Variants in RSRC1 observed in about 807,000 individuals in gnomAD.
The protein encoded by RSRC1 is serine/Arginine-related protein 53.
A neutral mutation model predicts 49.1 loss-of-function variants in RSRC1; 39 were observed. The observed-to-expected ratio is 0.79, with a 90% CI of 0.61 to 1.04. The LOEUF is 1.04. Ranked by LOEUF, RSRC1 falls within the 50% of genes least tolerant of loss-of-function variation. RSRC1 has a pLI of 0.00. For missense variants in RSRC1, 388 were observed against 402.4 expected (o/e 0.96, Z 0.31); for synonymous variants, 143 against 130.8 (o/e 1.09, Z -0.63).
At position 158,228,985 on chromosome 3, in the gene RSRC1, C is replaced by CACACACGTGTATATGTGTGTATAA. The variant is rs1559952090; in HGVS notation, c.494+25745_494+25746insCGTGTATATGTGTGTATAAACACA. Among the ~76,000 whole-genome samples the CACACACGTGTATATGTGTGTATAA allele has an allele frequency of 2.2e-5, 2 of 91,496 alleles. 1 individual carries two copies. The highest frequency in any genetic ancestry group is 2.0e-4 in the Admixed American group (2 of 9,810). The allele number at this position is 91,496 out of a possible 152,430, so 60.0% of individuals were successfully genotyped here. A position where few individuals can be genotyped will look rare whatever the true frequency, so the allele number is the denominator to read the frequency against. On this transcript the variant is annotated intron_variant, in intron 4 of 9. Coordinates refer to ENST00000611884, the MANE Select transcript of RSRC1 (RefSeq NM_001271838.2). ...ACATACGTGTATATGTGTGTATAAA[C>CACACACGTGTATATGTGTGTATAA]ACACATACGTGTATATGTGTGTATA...
intron 6 of RSRC1, among the ~76,000 whole-genome samples, chr3:158,423,352 A>G (rs368614715): frequency 1.3e-4 from 20 of 151,490 alleles, no homozygotes; most frequent in East Asian, 3.9e-4. Context: ...CCCATTGCTT[A>G]TTTTTCTCAG....
intron 6 of RSRC1, among the ~76,000 whole-genome samples, chr3:158,369,670 T>C (rs897218477): frequency 6.6e-6 from 1 of 152,126 alleles, no homozygotes; most frequent in South Asian, 2.1e-4. Flanking sequence ...AATAATCTTT[T>C]CTCTTTCAGA....
intron 3 of RSRC1, among the ~76,000 whole-genome samples, chr3:158,127,994 A>G (rs527282860): frequency 6.6e-6 from 1 of 152,262 alleles, no homozygotes; most frequent in Middle Eastern, 3.4e-3. Context: ...CTCACTTCTG[A>G]CGAAGAAACA....
In RSRC1 at chr3:158,460,471, G is replaced by A. The variant is rs1737552560; in HGVS notation, c.584-464G>A. 2.6e-5 allele frequency among the ~76,000 whole-genome samples: 4 copies of A among 151,786 alleles called. 1 individual carries two copies. On this transcript the variant is annotated intron_variant, in intron 6 of 9. Transcript: ENST00000611884. ...CAAATGCTGTCATAACATGAATAAAGAACCACTACTATGATGTGCAATGAA... is the reference window on the plus strand; with the variant it reads ...CAAATGCTGTCATAACATGAATAAAAAACCACTACTATGATGTGCAATGAA...
At chr3:158,491,046 A>G (rs762813775) in intron 7 of RSRC1, among the ~76,000 whole-genome samples, 17 of 152,220 alleles carry the variant, frequency 1.1e-4, no homozygotes, top group South Asian at 2.1e-4. Context: ...ATTAAACTCT[A>G]TAAAACTTTT....
intron 7 of RSRC1, among the ~76,000 whole-genome samples, chr3:158,463,620 T>C (rs1737731406): frequency 6.6e-6 from 1 of 152,152 alleles, no homozygotes; most frequent in African/African-American, 2.4e-5. Flanking sequence ...GCTCCCTTTA[T>C]CCACTCTCTG....
chr3:158,377,745 C>T (rs1375251454), intron 6 of RSRC1, among the ~76,000 whole-genome samples: 3 of 151,824 alleles, frequency 2.0e-5, no homozygotes, highest in Non-Finnish European at 2.9e-5. Context: ...CTGCAACCTC[C>T]GCCCCCTGGG....
chr3:158,347,586 C>G (rs906807675), intron 5 of RSRC1, among the ~76,000 whole-genome samples: 1 of 152,064 alleles, frequency 6.6e-6, no homozygotes, highest in Non-Finnish European at 1.5e-5. Context: ...CTTACTCTGT[C>G]TGGAGGCAGG....
intron 4 of RSRC1, among the ~76,000 whole-genome samples, chr3:158,275,654 CTTA>C (rs1446175525): frequency 6.6e-6 from 1 of 152,212 alleles, no homozygotes; most frequent in Non-Finnish European, 1.5e-5. Flanking sequence ...CACACCATCA[CTTA>C]TTGTCTTCAA....
chr3:158,478,754 G>T (rs1738487916), intron 7 of RSRC1, among the ~76,000 whole-genome samples: 1 of 151,946 alleles, frequency 6.6e-6, no homozygotes, highest in African/African-American at 2.4e-5. Flanking sequence ...TAGTAGAAAT[G>T]ATTGTGAATC....
intron 3 of RSRC1, among the ~76,000 whole-genome samples, chr3:158,147,332 C>T (rs1241276830): frequency 6.6e-6 from 1 of 151,778 alleles, no homozygotes; most frequent in African/African-American, 2.4e-5. Flanking sequence ...CCTTGACCAC[C>T]TGGGCTCAAT....
At chr3:158,349,676 A>G (rs920914085) in intron 5 of RSRC1, among the ~76,000 whole-genome samples, 1 of 132,734 alleles carries the variant, frequency 7.5e-6, no homozygotes, top group Admixed American at 7.6e-5. Context: ...AAAAGTTTAC[A>G]TTATTCTTAC....
At chr3:158,494,488 C>T (rs1739222062) in intron 7 of RSRC1, among the ~76,000 whole-genome samples, 2 of 152,166 alleles carry the variant, frequency 1.3e-5, no homozygotes, top group South Asian at 2.1e-4. Context: ...TTAGGCTATA[C>T]TAAGTGTATA....
At chr3:158,457,050 C>A (rs1437659613) in intron 6 of RSRC1, among the ~76,000 whole-genome samples, 2 of 152,064 alleles carry the variant, frequency 1.3e-5, no homozygotes, top group Non-Finnish European at 2.9e-5. Flanking sequence ...TTGAACATAT[C>A]TGTGTCCTAA....
intron 7 of RSRC1, among the ~76,000 whole-genome samples, chr3:158,506,310 G>A (rs570109455): frequency 6.6e-6 from 1 of 152,186 alleles, no homozygotes; most frequent in South Asian, 2.1e-4. Flanking sequence ...CCAGGCTTAT[G>A]CCTGTAATCT....
rs537815115 is a variant in RSRC1 at position 158,285,464 on chromosome 3, A to T, written c.495-12575A>T. Among the ~76,000 whole-genome samples, 44 of 152,318 alleles carry T rather than the reference A, an allele frequency of 2.9e-4. No homozygotes were observed. In the South Asian group the frequency reaches 8.7e-3, roughly 30 times the overall value. Reference sequence around the variant, plus strand: ...TGGTAGCTTGATAGGGATGGCATTGAATCTATAAATTTCCTTGGGCTATGG... The same window carrying T: ...TGGTAGCTTGATAGGGATGGCATTGTATCTATAAATTTCCTTGGGCTATGG... On this transcript the variant is annotated intron_variant, in intron 4 of 9. Coordinates refer to ENST00000611884, the MANE Select transcript of RSRC1 (RefSeq NM_001271838.2).
intron 5 of RSRC1, among the ~76,000 whole-genome samples, chr3:158,339,496 T>C (rs749461155): frequency 6.6e-6 from 1 of 152,166 alleles, no homozygotes; most frequent in Non-Finnish European, 1.5e-5. Flanking sequence ...TTATTTATAA[T>C]GTAGATTACG....
At chr3:158,404,515 C>T (rs1734054369) in intron 6 of RSRC1, among the ~76,000 whole-genome samples, 1 of 151,858 alleles carries the variant, frequency 6.6e-6, no homozygotes, top group Non-Finnish European at 1.5e-5. Context: ...TGTCGTCATG[C>T]TTTTTTCTCC....
At chr3:158,246,355 A>T (rs555564138) in intron 4 of RSRC1, among the ~76,000 whole-genome samples, 2 of 151,860 alleles carry the variant, frequency 1.3e-5, no homozygotes, top group South Asian at 4.2e-4. Context: ...TATGTAACAA[A>T]CCTGCACGTT....
Sources: gnomAD v4.1 joint callset for allele counts (sites outside exome capture counted in the v4.1 genomes callset) on GRCh38, gnomAD v4.1.1 for gene constraint, MANE v1.5 for transcripts, NCBI Gene and HGNC (gene_info 2026-07-23, HGNC 2026-07-21) for gene names.